The following PATJ variants were observed in gnomAD, a reference collection of about 807,000 sequenced individuals.
The protein encoded by PATJ is inaD-like protein.
Under a neutral mutation model 224.9 loss-of-function variants are expected in PATJ, and 190 were observed. That is an observed-to-expected ratio of 0.84 (90% CI 0.75 to 0.95). PATJ has a LOEUF of 0.95. Among genes scored for constraint, PATJ ranks in the 40% least tolerant of loss-of-function variants. The pLI is 0.00. For synonymous variants in PATJ, 769 were observed against 820.3 expected, an observed-to-expected ratio of 0.94 and a Z score of 1.07; for missense variants, 2,121 against 2,270.3, an observed-to-expected ratio of 0.93 and a Z score of 1.34.
chr1:62,073,349 A>T, intron 31 of PATJ: 1 of 984,322 alleles, frequency 1.0e-6, no homozygotes, highest in Non-Finnish European at 1.2e-6. Flanking sequence ...CTGGCTGGGC[A>T]TGGTGGCTCA....
chr1:62,033,481 C>T (rs1362102929), intron 29 of PATJ, among the ~76,000 whole-genome samples: 1 of 152,202 alleles, frequency 6.6e-6, no homozygotes, highest in Non-Finnish European at 1.5e-5. Flanking sequence ...TGGTAGTCTT[C>T]ACATTGCACT....
At chr1:61,821,499 A>G (rs1326630044) in intron 14 of PATJ, among the ~76,000 whole-genome samples, 1 of 152,194 alleles carries the variant, frequency 6.6e-6, no homozygotes, top group Non-Finnish European at 1.5e-5. Flanking sequence ...GGTCTTAGTC[A>G]GCCAGACTCC....
intron 1 of PATJ, among the ~76,000 whole-genome samples, chr1:61,754,741 G>A (rs1290746828): frequency 2.6e-5 from 4 of 151,874 alleles, no homozygotes; most frequent in African/African-American, 9.7e-5. Flanking sequence ...GGCCTGCTTT[G>A]TGGACATAGT....
chr1:62,137,912 G>T (rs1235617495), intron 41 of PATJ, among the ~76,000 whole-genome samples: 1 of 151,914 alleles, frequency 6.6e-6, no homozygotes, highest in Non-Finnish European at 1.5e-5. Context: ...CTCCTCAGGT[G>T]GGGGGATTTT....
intron 27 of PATJ, among the ~76,000 whole-genome samples, chr1:61,984,680 A>G (rs1367499244): frequency 6.6e-6 from 1 of 152,090 alleles, no homozygotes; most frequent in African/African-American, 2.4e-5. Context: ...GGCATGATAC[A>G]GTAGAAAGTG....
chr1:61,955,928 A>G (rs1365336114), intron 27 of PATJ, among the ~76,000 whole-genome samples: 2 of 152,276 alleles, frequency 1.3e-5, no homozygotes, highest in African/African-American at 4.8e-5. Flanking sequence ...AAAGAGACAT[A>G]TAATTGGAAT....
intron 15 of PATJ, among the ~76,000 whole-genome samples, chr1:61,825,622 A>T (rs1459446778): frequency 6.6e-6 from 1 of 152,176 alleles, no homozygotes; most frequent in Admixed American, 6.5e-5. Flanking sequence ...TACAGCAGCT[A>T]TAAATCCCCT....
intron 22 of PATJ, among the ~76,000 whole-genome samples, chr1:61,894,048 A>G (rs1669983117): frequency 6.6e-6 from 1 of 152,008 alleles, no homozygotes; most frequent in Admixed American, 6.6e-5. Context: ...TGAGGTCAAG[A>G]GTTCAAGACC....
chr1:61,897,429 T>C (rs1670534351), intron 22 of PATJ, among the ~76,000 whole-genome samples: 1 of 152,218 alleles, frequency 6.6e-6, no homozygotes, highest in Non-Finnish European at 1.5e-5. Flanking sequence ...GAAGGTGGTC[T>C]TAGGATGGTG....
chr1:61,848,488 G>A (rs972954209), intron 17 of PATJ, among the ~76,000 whole-genome samples: 8 of 152,060 alleles, frequency 5.3e-5, no homozygotes, highest in African/African-American at 1.7e-4. Context: ...GTGAGTGTAC[G>A]TGTGTATAAA....
intron 14 of PATJ, among the ~76,000 whole-genome samples, chr1:61,821,874 G>T (rs1350823563): frequency 6.6e-6 from 1 of 152,154 alleles, no homozygotes; most frequent in Non-Finnish European, 1.5e-5. Flanking sequence ...TTTGGTGAAT[G>T]CCCTTGACTG....
chr1:62,094,516 A>T (rs1661155808), intron 33 of PATJ, among the ~76,000 whole-genome samples: 1 of 149,170 alleles, frequency 6.7e-6, no homozygotes, highest in Admixed American at 6.7e-5. Flanking sequence ...AAGTGCTGGG[A>T]TTATAGGCAT....
intron 41 of PATJ, among the ~76,000 whole-genome samples, chr1:62,140,823 C>T (rs747859053): frequency 6.6e-6 from 1 of 151,886 alleles, no homozygotes; most frequent in Non-Finnish European, 1.5e-5. Flanking sequence ...GTGGGAGGAT[C>T]ACTTGAGTCC....
At chr1:61,967,358 TTTAACC>T (rs1473531641) in intron 27 of PATJ, among the ~76,000 whole-genome samples, 1 of 152,240 alleles carries the variant, frequency 6.6e-6, no homozygotes. Flanking sequence ...GTTTTACTAA[TTTAACC>T]TTAAACTATC....
chr1:61,843,336 TC>T (rs761296802), intron 17 of PATJ, among the ~76,000 whole-genome samples: 2 of 152,206 alleles, frequency 1.3e-5, no homozygotes, highest in African/African-American at 4.8e-5. Flanking sequence ...CTGGATATAC[TC>T]TTGGGACTTT....
In PATJ at chr1:61,914,619, A is replaced by T; in HGVS notation, c.3525A>T (p.Lys1175Asn). The change falls in exon 26 of 44, where the codon AAA becomes AAT. Residue 1175 changes from lysine (K) to asparagine (N), a missense_variant. Lys to Asn is a moderately conservative substitution (Grantham distance 94). Coordinates refer to ENST00000642238, the MANE Select transcript of PATJ (RefSeq NM_001350145.3). Reference sequence around the variant, plus strand: ...CTAACGTACATAACAAGGCCAACAAAATCACCGGTAACCAGAACCAGGACA... The same window carrying T: ...CTAACGTACATAACAAGGCCAACAATATCACCGGTAACCAGAACCAGGACA... ...VIPNVHNKAN[K>N]ITGNQNQDTQ... The T allele has an allele frequency of 6.3e-7, 1 of 1,582,496 alleles. No individual in the cohort carries two copies. Among genetic ancestry groups the T allele is most frequent in the Non-Finnish European group, 8.7e-7 (1 of 1,151,962 alleles).
At chr1:61,828,512 C>T (rs902984699) in intron 16 of PATJ, among the ~76,000 whole-genome samples, 4 of 151,842 alleles carry the variant, frequency 2.6e-5, no homozygotes, top group Admixed American at 2.0e-4. Context: ...GCCTCAGCCT[C>T]CCAAGTAGCT....
intron 28 of PATJ, among the ~76,000 whole-genome samples, chr1:61,997,087 A>G: frequency 7.0e-6 from 1 of 143,640 alleles, no homozygotes; most frequent in South Asian, 2.2e-4. Context: ...AAATTGATCA[A>G]GTGTTCGATT....
chr1:61,991,182 AATGATG>A lies in PATJ; in HGVS notation c.3867+850_3867+855del, dbSNP rs71582656. ...ATTTATACTACAAAATAAGAAATGC[AATGATG>A]ATGATGATGATGATGATGATGATGA... On this transcript the variant is annotated intron_variant, in intron 28 of 43. Coordinates refer to ENST00000642238, the MANE Select transcript of PATJ (RefSeq NM_001350145.3). Among the ~76,000 whole-genome samples the A allele has an allele frequency of 3.8e-3, 568 of 151,026 alleles. 7 individuals carry two copies. The highest frequency in any genetic ancestry group is 0.013 in the African/African-American group (519 of 41,090).
Sources: gnomAD v4.1 joint callset for allele counts (sites outside exome capture counted in the v4.1 genomes callset) on GRCh38, gnomAD v4.1.1 for gene constraint, MANE v1.5 for transcripts, NCBI Gene and HGNC (gene_info 2026-07-23, HGNC 2026-07-21) for gene names.